Variants in CPD observed in about 807,000 individuals in gnomAD.
CPD encodes the protein metallocarboxypeptidase D.
A neutral mutation model predicts 138.3 loss-of-function variants in CPD; 69 were observed. The observed-to-expected ratio is 0.50, with a 90% CI of 0.41 to 0.61. The LOEUF is 0.61. Ranked by LOEUF, CPD falls within the 20% of genes least tolerant of loss-of-function variation. CPD has a pLI of 0.00. For synonymous variants in CPD, 651 were observed against 642.1 expected (o/e 1.01, Z -0.21); for missense variants, 1,432 against 1,733.3 (o/e 0.83, Z 3.09).
Position 30,431,911 on chromosome 17 carries a change from C to T in CPD, c.2127+30C>T, listed in dbSNP as rs752360907. The T allele has an allele frequency of 2.1e-6, 3 of 1,396,340 alleles. No individual in the cohort carries two copies. In the Admixed American group the frequency reaches 5.7e-5, roughly 26 times the overall value. The allele number at this position is 1,396,340 out of a possible 1,614,324, so 86.5% of individuals were successfully genotyped here. A position where few individuals can be genotyped will look rare whatever the true frequency, so the allele number is the denominator to read the frequency against. ...GCTTGTCTTTGAATATAAAATGTTA[C>T]AAAATTAATTCTTTTATTTAAAAAT... On this transcript the variant is annotated intron_variant, in intron 8 of 20. Coordinates refer to ENST00000225719, the MANE Select transcript of CPD (RefSeq NM_001304.5).
At chr17:30,421,908 C>G in intron 4 of CPD, 75 bp downstream of exon 4, 1 of 1,097,286 alleles carries the variant, frequency 9.1e-7, no homozygotes, top group Non-Finnish European at 1.3e-6. Context: ...GAAATATAGT[C>G]TAGTACATGT....
At chr17:30,422,448 G>A (rs1912290137) in intron 4 of CPD, among the ~76,000 whole-genome samples, 1 of 152,138 alleles carries the variant, frequency 6.6e-6, no homozygotes, top group African/African-American at 2.4e-5. Context: ...ATACATTCTA[G>A]TGTGTGGTAC....
intron 2 of CPD, among the ~76,000 whole-genome samples, chr17:30,392,967 G>A (rs972139727): frequency 6.6e-6 from 1 of 152,168 alleles, no homozygotes; most frequent in Non-Finnish European, 1.5e-5. Context: ...CTGCCATAAA[G>A]CTTTATATTT....
intron 2 of CPD, among the ~76,000 whole-genome samples, chr17:30,392,494 A>G (rs1409519782): frequency 6.6e-6 from 1 of 152,168 alleles, no homozygotes; most frequent in African/African-American, 2.4e-5. Context: ...TACATTTCAT[A>G]TATATGTGTG....
chr17:30,385,394 T>A, intron 2 of CPD, 158 bp downstream of exon 2: 1 of 811,406 alleles, frequency 1.2e-6, no homozygotes, highest in Non-Finnish European at 1.8e-6. Flanking sequence ...ATTGAAGGAC[T>A]ACATGAAGAC....
intron 2 of CPD, among the ~76,000 whole-genome samples, chr17:30,389,016 G>C (rs1186032973): frequency 6.6e-6 from 1 of 152,208 alleles, no homozygotes; most frequent in African/African-American, 2.4e-5. Flanking sequence ...AGCTGGAGCA[G>C]CTCCTGCTTT....
At chr17:30,381,071 G>A (rs878958570) in intron 1 of CPD, among the ~76,000 whole-genome samples, 5 of 152,110 alleles carry the variant, frequency 3.3e-5, no homozygotes, top group Admixed American at 3.3e-4. Context: ...GAGTCTTTTC[G>A]TCTTCTATCT....
chr17:30,456,005 A>G, intron 15 of CPD: 1 of 450,552 alleles, frequency 2.2e-6, no homozygotes, highest in Non-Finnish European at 4.0e-6. Context: ...ACATACCAAA[A>G]CAAGTTTGTA....
At chr17:30,408,244 G>A (rs1378161518) in intron 2 of CPD, among the ~76,000 whole-genome samples, 1 of 152,160 alleles carries the variant, frequency 6.6e-6, no homozygotes, top group Non-Finnish European at 1.5e-5. Context: ...GTAGCATGAT[G>A]CCTCCAGCTT....
At chr17:30,409,142 TA>T (rs1911889137) in intron 2 of CPD, among the ~76,000 whole-genome samples, 11 of 152,110 alleles carry the variant, frequency 7.2e-5, no homozygotes, top group Admixed American at 3.9e-4. Context: ...TGGTTGTGTT[TA>T]TGTGATGGAT....
At position 30,422,723 on chromosome 17, in the gene CPD, A is replaced by G. The variant is rs1912298544; in HGVS notation, c.1357A>G (p.Thr453Ala). Residue 453 changes from threonine to alanine, a missense_variant, in exon 5 of 21, where the codon ACA becomes GCA. Transcript: ENST00000225719. ...TNVVVKEGPA[T>A]EVDFSLRPTV... is the part of the protein sequence containing the mutation. ...TGTAGTGGTGAAAGAAGGACCAGCC[A>G]CAGAGGTGGATTTTTCTCTTAGGCC... 6.2e-7 allele frequency: 1 copy of G among 1,613,866 alleles called. No homozygotes were observed. Among genetic ancestry groups the G allele is most frequent in the Non-Finnish European group, 8.5e-7 (1 of 1,179,932 alleles).
At position 30,466,070 on chromosome 17, in the gene CPD, G is replaced by A. The variant is rs1428733538; in HGVS notation, c.*1256G>A. The stretch of plus-strand genomic sequence containing the variant: ...AGTGATAAAACACTGTGGTGTGAAA[G>A]TGTCATCTTCACTGCCAATCAGGCA... On this transcript the variant is annotated 3_prime_UTR_variant, in exon 21 of 21. Transcript: ENST00000225719. The A allele has an allele frequency of 6.6e-6, 1 of 152,550 alleles. No homozygotes were observed. The highest frequency in any genetic ancestry group is 1.5e-5 in the Non-Finnish European group (1 of 68,010). The allele number at this position is 152,550 out of a possible 1,614,324, so 9.4% of individuals were successfully genotyped here.
intron 2 of CPD, among the ~76,000 whole-genome samples, chr17:30,414,994 C>T (rs780476216): frequency 5.3e-5 from 8 of 151,968 alleles, no homozygotes; most frequent in Non-Finnish European, 8.8e-5. Flanking sequence ...TTTAAAACCA[C>T]GGGACTGTAT....
chr17:30,442,198 A>C (rs1342634882), intron 9 of CPD, 110 bp from the exon 10 acceptor site: 1 of 932,010 alleles, frequency 1.1e-6, no homozygotes. Context: ...TAGCTTATCA[A>C]TGCTGATAAG....
In CPD at chr17:30,466,288, A is replaced by G. The variant is rs1014456930; in HGVS notation, c.*1474A>G. 1 of 152,634 alleles carries G rather than the reference A, an allele frequency of 6.6e-6. No individual in the cohort carries two copies. Among genetic ancestry groups the G allele is most frequent in the East Asian group, 1.9e-4 (1 of 5,194 alleles). 9.5% of individuals were successfully genotyped at this position (152,634 alleles called of 1,614,324 possible). On this transcript the variant is annotated 3_prime_UTR_variant, in exon 21 of 21. Transcript: ENST00000225719. ...CTCTTATCTTCTCAAATTGTATTCT[A>G]TATCCATTAATGTATCAGTTATCCC...
intron 17 of CPD, among the ~76,000 whole-genome samples, chr17:30,458,532 C>T (rs532264800): frequency 1.3e-5 from 2 of 152,024 alleles, no homozygotes; most frequent in South Asian, 2.1e-4. Flanking sequence ...CCCCCCTGCC[C>T]ACCTCCCTGC....
intron 1 of CPD, among the ~76,000 whole-genome samples, chr17:30,382,891 T>C (rs1911085735): frequency 6.6e-6 from 1 of 152,228 alleles, no homozygotes; most frequent in Non-Finnish European, 1.5e-5. Context: ...GAATGTCCTT[T>C]GGGATGTATC....
rs773551869 is a variant in CPD, at chr17:30,449,762, C to T, written c.3069+14C>T. 6 of 1,533,860 alleles carry T rather than the reference C, an allele frequency of 3.9e-6. No homozygotes were observed. Among genetic ancestry groups the T allele is most frequent in the Middle Eastern group, 1.7e-4 (1 of 5,782 alleles). ...GCTGTTACCCAAGTAAGAGAATAGC[C>T]GAGGTTGACATGCTTTAAAAGGAAA... On this transcript the variant is annotated intron_variant, in intron 13 of 20. Transcript: ENST00000225719.
Position 30,379,551 on chromosome 17 carries a change from C to G in CPD, c.571C>G (p.Arg191Gly). ...SLNPDGFERAREGDCGFGDGG... is the reference protein window; with the variant it reads ...SLNPDGFERAGEGDCGFGDGG... ...CAACCCCGATGGCTTCGAGCGTGCCCGCGAGGGCGACTGTGGCTTCGGCGA... is the reference window on the plus strand; with the variant it reads ...CAACCCCGATGGCTTCGAGCGTGCCGGCGAGGGCGACTGTGGCTTCGGCGA... Residue 191 changes from arginine to glycine, a missense_variant, in exon 1 of 21, where the codon CGC becomes GGC. Physicochemically the swap from Arg to Gly is moderately radical, Grantham distance 125. Coordinates refer to ENST00000225719, the MANE Select transcript of CPD (RefSeq NM_001304.5). This position sits in a 1 kb window ranked among gnomAD's most constrained non-coding sequence, Gnocchi z 7.0. 2 of 1,549,130 alleles carry G rather than the reference C, an allele frequency of 1.3e-6. No homozygotes were observed. The highest frequency in any genetic ancestry group is 1.7e-6 in the Non-Finnish European group (2 of 1,156,888).
Sources: gnomAD v4.1 joint callset for allele counts (sites outside exome capture counted in the v4.1 genomes callset) on GRCh38, gnomAD v4.1.1 for gene constraint, Gnocchi (gnomAD v3.1) non-coding constraint, MANE v1.5 for transcripts, NCBI Gene and HGNC (gene_info 2026-07-23, HGNC 2026-07-21) for gene names.